The following KLHL23 variants were observed in gnomAD, a reference collection of about 807,000 sequenced individuals.
The protein encoded by KLHL23 is kelch like family member 23, also known as kelch-like protein 23.
A neutral mutation model predicts 48.9 loss-of-function variants in KLHL23; 33 were observed. That is an observed-to-expected ratio of 0.67 (90% CI 0.51 to 0.90). The LOEUF (loss-of-function observed/expected upper bound fraction) is 0.90. Ranked by LOEUF, KLHL23 falls within the 40% of genes least tolerant of loss-of-function variation. The pLI is 0.00. For missense variants in KLHL23, 608 were observed against 669.6 expected (o/e 0.91, Z 1.02); for synonymous variants, 234 against 231.6 (o/e 1.01, Z -0.09).
chr2:169,736,155 GC>G lies in KLHL23; in HGVS notation c.1142del (p.Ala381ValfsTer12). The G allele has an allele frequency of 1.2e-6, 2 of 1,614,104 alleles. No homozygotes were observed. Among genetic ancestry groups the G allele is most frequent in the Non-Finnish European group, 1.7e-6 (2 of 1,180,032 alleles). On this transcript the variant is annotated frameshift_variant, in exon 2 of 4. Coordinates refer to ENST00000392647, the MANE Select transcript of KLHL23 (RefSeq NM_144711.6). LOFTEE classifies it high-confidence loss of function. Reference protein sequence around the residue: ...VYALGGYRKGAPAEEAEFYDP... With the variant: ...VYALGGYRKGXPAEEAEFYDP... The stretch of plus-strand genomic sequence containing the variant: ...TGCTTTAGGTGGTTACAGAAAAGGG[GC>G]TCCAGCAGAAGAGGCTGAGTTCTAT...
At position 169,740,766 on chromosome 2, in the gene KLHL23, T is replaced by TTATATATA. The variant is rs55779546; in HGVS notation, c.1214-600_1214-593dup. ...CCCGGCCTCTATAAGCTTTTTTATA[T>TTATATATA]TATATATATATATATATATATATAT... On this transcript the variant is annotated intron_variant, in intron 2 of 3. Coordinates refer to ENST00000392647, the MANE Select transcript of KLHL23 (RefSeq NM_144711.6). 1.2e-3 allele frequency among the ~76,000 whole-genome samples: 150 copies of TTATATATA among 125,496 alleles called. 1 individual carries two copies. The highest frequency in any genetic ancestry group is 3.2e-3 in the Admixed American group (40 of 12,392). 82.3% of individuals were successfully genotyped at this position (125,496 alleles called of 152,430 possible). A position where few individuals can be genotyped will look rare whatever the true frequency, so the allele number is the denominator to read the frequency against.
At chr2:169,742,076 C>G (rs1295269950) in intron 3 of KLHL23, among the ~76,000 whole-genome samples, 4 of 152,210 alleles carry the variant, frequency 2.6e-5, no homozygotes, top group Non-Finnish European at 4.4e-5. Flanking sequence ...TAAGGAATGG[C>G]CTACCTTCTT....
chr2:169,737,305 G>A (rs895332817), intron 2 of KLHL23, among the ~76,000 whole-genome samples: 2 of 152,178 alleles, frequency 1.3e-5, no homozygotes, highest in Non-Finnish European at 2.9e-5. Flanking sequence ...GGTATTGAAG[G>A]ACATGTCAGC....
rs1301425139 is a variant in KLHL23, at chr2:169,749,898, T to C, written c.*166T>C. 2 of 547,100 alleles carry C rather than the reference T, an allele frequency of 3.7e-6. No homozygotes were observed. Among genetic ancestry groups the C allele is most frequent in the Admixed American group, 3.8e-5 (1 of 26,178 alleles). 33.9% of individuals were successfully genotyped at this position (547,100 alleles called of 1,614,324 possible). A position where few individuals can be genotyped will look rare whatever the true frequency, so the allele number is the denominator to read the frequency against. ...CTGTACTCCCAAACATGGTGATTCATGGTCAAGAAAAATCTTATATATATA... is the reference window on the plus strand; with the variant it reads ...CTGTACTCCCAAACATGGTGATTCACGGTCAAGAAAAATCTTATATATATA... On this transcript the variant is annotated 3_prime_UTR_variant, in exon 4 of 4. Coordinates refer to ENST00000392647, the MANE Select transcript of KLHL23 (RefSeq NM_144711.6).
chr2:169,749,017 C>T (rs1418483263), intron 3 of KLHL23, among the ~76,000 whole-genome samples: 1 of 152,184 alleles, frequency 6.6e-6, no homozygotes, highest in African/African-American at 2.4e-5. Flanking sequence ...GTTAAGGAGA[C>T]AGCTGCCAAG....
At chr2:169,740,766 T>TAATATATATATATATATA (rs1553477017) in intron 2 of KLHL23, among the ~76,000 whole-genome samples, 2,174 of 125,268 alleles carry the variant, frequency 0.017, 83 homozygotes, top group Non-Finnish European at 0.025. Context: ...CTTTTTTATA[T>TAATATATATATATATATA]TATATATATA....
intron 3 of KLHL23, among the ~76,000 whole-genome samples, chr2:169,747,526 T>G (rs1216321670): frequency 6.7e-6 from 1 of 148,250 alleles, no homozygotes; most frequent in Non-Finnish European, 1.5e-5. Context: ...AGCCTTGAAG[T>G]CCTGGGCTCA....
In KLHL23 at chr2:169,749,936, C is replaced by CATATATATGTGTATATAT. The variant is rs1558952046; in HGVS notation, c.*205_*206insTATATATGTGTATATATA. The CATATATATGTGTATATAT allele has an allele frequency of 6.0e-4, 124 of 208,276 alleles. 14 individuals carry two copies. Among genetic ancestry groups the CATATATATGTGTATATAT allele is most frequent in the African/African-American group, 5.2e-3 (118 of 22,676 alleles). 12.9% of individuals were successfully genotyped at this position (208,276 alleles called of 1,614,324 possible). A position where few individuals can be genotyped will look rare whatever the true frequency, so the allele number is the denominator to read the frequency against. On this transcript the variant is annotated 3_prime_UTR_variant, in exon 4 of 4. Coordinates refer to ENST00000392647, the MANE Select transcript of KLHL23 (RefSeq NM_144711.6). ...TCTTATATATATATATATATACACA[C>CATATATATGTGTATATAT]ACACATATATGTGTTCATATATATG...
Position 169,749,983 on chromosome 2 carries a change from A to ACACG in KLHL23, c.*251_*252insCACG, listed in dbSNP as rs1688912466. On this transcript the variant is annotated 3_prime_UTR_variant, in exon 4 of 4. Coordinates refer to ENST00000392647, the MANE Select transcript of KLHL23 (RefSeq NM_144711.6). ...TATGTATACATATATATGTGTATAT[A>ACACG]TACGTATGTATACATATATGTGTAT... 1.4e-5 allele frequency: 1 copy of ACACG among 73,724 alleles called. No homozygotes were observed. Among genetic ancestry groups the ACACG allele is most frequent in the Non-Finnish European group, 2.7e-5 (1 of 37,296 alleles). 4.6% of individuals were successfully genotyped at this position (73,724 alleles called of 1,614,324 possible).
chr2:169,734,332 C>T (rs946791320), intron 1 of KLHL23, among the ~76,000 whole-genome samples: 5 of 147,804 alleles, frequency 3.4e-5, no homozygotes, highest in Non-Finnish European at 3.0e-5. Flanking sequence ...GCACCGGGCC[C>T]GCGGGCGGCA....
intron 1 of KLHL23, 65 bp downstream of exon 1, chr2:169,734,152 G>GCA (rs1238562936): frequency 0.02 from 2,883 of 147,280 alleles, 39 homozygotes; most frequent in East Asian, 0.059. Context: ...CCGGGCGCGG[G>GCA]GAGCGGGGCC....
At chr2:169,741,117 T>A (rs112149807) in intron 2 of KLHL23, 1 of 295,404 alleles carries the variant, frequency 3.4e-6, no homozygotes. Flanking sequence ...TACCACAGTA[T>A]CACTAGGTGA....
Position 169,749,232 on chromosome 2 carries a change from G to A in KLHL23, c.1367-190G>A, listed in dbSNP as rs537968480. ...TAATGGCAGCATGGCAGGAACAGGC[G>A]ATCTGAATTAGGTGACAGGGAATGA... On this transcript the variant is annotated intron_variant, in intron 3 of 3. Coordinates refer to ENST00000392647, the MANE Select transcript of KLHL23 (RefSeq NM_144711.6). Among the ~76,000 whole-genome samples the A allele has an allele frequency of 4.6e-5, 7 of 152,248 alleles. No individual in the cohort carries two copies. The South Asian group carries it at 1.5e-3, about 32-fold the overall frequency.
chr2:169,742,940 A>G (rs1274896530), intron 3 of KLHL23, among the ~76,000 whole-genome samples: 4 of 152,192 alleles, frequency 2.6e-5, no homozygotes, highest in Non-Finnish European at 4.4e-5. Flanking sequence ...TTAAACCTCA[A>G]AATAATTCCA....
At chr2:169,745,160 A>G (rs371777227) in intron 3 of KLHL23, among the ~76,000 whole-genome samples, 1 of 150,774 alleles carries the variant, frequency 6.6e-6, no homozygotes, top group East Asian at 2.0e-4. Flanking sequence ...AAAGTCATCC[A>G]CCCGCCTCAG....
At chr2:169,741,285 A>G (rs1377324589) in intron 2 of KLHL23, 100 bp from the exon 3 acceptor site, 2 of 1,463,864 alleles carry the variant, frequency 1.4e-6, no homozygotes, top group African/African-American at 2.8e-5. Context: ...CTTGCATTTT[A>G]CCATCAGTAA....
At chr2:169,746,184 A>G (rs899984239) in intron 3 of KLHL23, among the ~76,000 whole-genome samples, 2 of 152,216 alleles carry the variant, frequency 1.3e-5, no homozygotes, top group African/African-American at 4.8e-5. Flanking sequence ...TGGCCCTGCC[A>G]TTTATTTACC....
chr2:169,743,374 G>A (rs2105651860), intron 3 of KLHL23, among the ~76,000 whole-genome samples: 1 of 152,258 alleles, frequency 6.6e-6, no homozygotes, highest in East Asian at 1.9e-4. Context: ...ATGGCAAATT[G>A]AAAATCCAAA....
chr2:169,741,007 C>T (rs1688665005), intron 2 of KLHL23: 1 of 159,184 alleles, frequency 6.3e-6, no homozygotes. Context: ...ATGCCTTCTT[C>T]TGGAATACCT....
Sources: gnomAD v4.1 joint callset for allele counts (sites outside exome capture counted in the v4.1 genomes callset) on GRCh38, gnomAD v4.1.1 for gene constraint, MANE v1.5 for transcripts, NCBI Gene and HGNC (gene_info 2026-07-23, HGNC 2026-07-21) for gene names.